FARS2: variants seen among roughly 807,000 people sequenced by gnomAD.
FARS2 encodes phenylalanyl-tRNA synthetase 2, mitochondrial.
A neutral mutation model predicts 46.4 loss-of-function variants in FARS2; 40 were observed. That is an observed-to-expected ratio of 0.86 (90% CI 0.67 to 1.12). The LOEUF (loss-of-function observed/expected upper bound fraction) is 1.12. Among genes scored for constraint, FARS2 ranks in the 50% most tolerant of loss-of-function variants. The probability of loss-of-function intolerance (pLI) is 0.00; values close to 1 mark genes in which losing one functional copy is unlikely to be tolerated. For missense variants in FARS2, 513 were observed against 567.9 expected (o/e 0.90, Z 0.98); for synonymous variants, 234 against 214.9 (o/e 1.09, Z -0.78).
At position 5,765,364 on chromosome 6, in the gene FARS2, T is replaced by A. The variant is rs1762696698; in HGVS notation, c.1218-5927T>A. On this transcript the variant is annotated intron_variant, in intron 6 of 6. Coordinates refer to ENST00000274680, the MANE Select transcript of FARS2 (RefSeq NM_006567.5). The surrounding 1 kb of genome is among the most constrained non-coding windows in gnomAD (Gnocchi z 4.0). ...CCAGTTTCAAGAGCCAGGCTGAATC[T>A]CTCAGAAGGGGAGCTGACGGGCGGC... Among the ~76,000 whole-genome samples the A allele has an allele frequency of 6.6e-6, 1 of 152,218 alleles. No individual in the cohort carries two copies. Among genetic ancestry groups the A allele is most frequent in the African/African-American group, 2.4e-5 (1 of 41,468 alleles).
chr6:5,616,075 A>T (rs1775466793), intron 6 of FARS2, among the ~76,000 whole-genome samples: 1 of 147,714 alleles, frequency 6.8e-6, no homozygotes, highest in African/African-American at 2.5e-5. Flanking sequence ...TTTTTGCTGG[A>T]GTTTTCTGAG....
intron 5 of FARS2, among the ~76,000 whole-genome samples, chr6:5,587,411 A>G (rs1359706616): frequency 2.0e-5 from 3 of 152,352 alleles, no homozygotes; most frequent in East Asian, 3.9e-4. Flanking sequence ...AGACATCTAT[A>G]CATGAAATAC....
At chr6:5,291,433 G>A (rs758164194) in intron 1 of FARS2, 2 of 152,224 alleles carry the variant, frequency 1.3e-5, no homozygotes, top group African/African-American at 4.8e-5. Context: ...AGAGGCTTTA[G>A]AGGCCGATGG....
intron 6 of FARS2, among the ~76,000 whole-genome samples, chr6:5,666,627 A>C (rs750382306): frequency 1.6e-4 from 25 of 152,216 alleles, no homozygotes; most frequent in Non-Finnish European, 1.8e-4. Context: ...ATCATATCCA[A>C]ATGTAAATTA....
chr6:5,357,738 C>G (rs181805595), intron 1 of FARS2, among the ~76,000 whole-genome samples: 20 of 152,324 alleles, frequency 1.3e-4, no homozygotes, highest in Non-Finnish European at 2.9e-5. Context: ...CAGGGGTGGA[C>G]TGGAACCAGG....
intron 6 of FARS2, among the ~76,000 whole-genome samples, chr6:5,763,149 C>T (rs1007158789): frequency 3.9e-4 from 59 of 152,328 alleles, no homozygotes; most frequent in African/African-American, 1.4e-3. Flanking sequence ...GCGTGCTTCC[C>T]TCCGGCTCCC....
At position 5,404,409 on chromosome 6, in the gene FARS2, G is replaced by C. The variant is rs184216417; in HGVS notation, c.613-133G>C. 1.8e-5 allele frequency: 9 copies of C among 507,142 alleles called. No individual in the cohort carries two copies. The Admixed American group carries it at 2.2e-4, about 12-fold the overall frequency. 31.4% of individuals were successfully genotyped at this position (507,142 alleles called of 1,614,324 possible). A position where few individuals can be genotyped will look rare whatever the true frequency, so the allele number is the denominator to read the frequency against. On this transcript the variant is annotated intron_variant, in intron 2 of 6. Transcript: ENST00000274680. ...GAATGTTAATTTCATTACGTTTATT[G>C]ACAGGACATAATGAGTCTTATTCCC... is the stretch of plus-strand genomic sequence containing the variant.
chr6:5,411,363 T>A (rs751726293), intron 3 of FARS2, among the ~76,000 whole-genome samples: 1 of 152,208 alleles, frequency 6.6e-6, no homozygotes, highest in Non-Finnish European at 1.5e-5. Flanking sequence ...TTCTTTCCTT[T>A]ACCTTCTCTT....
chr6:5,675,239 C>T (rs867909533), intron 6 of FARS2, among the ~76,000 whole-genome samples: 7 of 145,880 alleles, frequency 4.8e-5, no homozygotes, highest in Middle Eastern at 3.6e-3. Context: ...CACACACACA[C>T]GGTGCTATGT....
intron 4 of FARS2, among the ~76,000 whole-genome samples, chr6:5,433,568 C>T (rs1002973995): frequency 6.6e-6 from 1 of 152,096 alleles, no homozygotes; most frequent in Non-Finnish European, 1.5e-5. Flanking sequence ...GAGTAATAAA[C>T]AGGAAGAAAA....
At chr6:5,369,252 A>C in intron 2 of FARS2, 70 bp downstream of exon 2, 1 of 1,464,246 alleles carries the variant, frequency 6.8e-7, no homozygotes. Flanking sequence ...ACTAACATTT[A>C]GCTCGATGAG....
intron 1 of FARS2, among the ~76,000 whole-genome samples, chr6:5,263,456 G>A (rs1052413671): frequency 3.9e-5 from 6 of 151,930 alleles, no homozygotes; most frequent in South Asian, 2.1e-4. Flanking sequence ...GCCTGGAGAG[G>A]CTAAAAGAAA....
At chr6:5,589,287 G>T (rs7768379) in intron 5 of FARS2, among the ~76,000 whole-genome samples, 31,499 of 152,174 alleles carry the variant, frequency 0.21, 3,492 homozygotes, top group East Asian at 0.4. Flanking sequence ...CAGCTGTGAT[G>T]AGGGGTTGGT....
intron 4 of FARS2, among the ~76,000 whole-genome samples, chr6:5,435,939 C>T (rs184226138): frequency 9.3e-4 from 142 of 152,286 alleles, no homozygotes; most frequent in African/African-American, 3.3e-3. Context: ...GAACAGCTTC[C>T]GGTTTTGAAG....
chr6:5,746,288 C>A (rs146986665), intron 6 of FARS2, among the ~76,000 whole-genome samples: 1 of 152,074 alleles, frequency 6.6e-6, no homozygotes, highest in African/African-American at 2.4e-5. Flanking sequence ...TTAGATGGTG[C>A]GTGGAAGAGG....
chr6:5,683,915 C>A (rs1305560682), intron 6 of FARS2, among the ~76,000 whole-genome samples: 2 of 152,162 alleles, frequency 1.3e-5, no homozygotes, highest in Non-Finnish European at 2.9e-5. Flanking sequence ...ATGATGGTTT[C>A]CAGCTTCATC....
At chr6:5,464,509 A>C (rs1765409022) in intron 4 of FARS2, among the ~76,000 whole-genome samples, 1 of 152,182 alleles carries the variant, frequency 6.6e-6, no homozygotes, top group African/African-American at 2.4e-5. Context: ...CTGAACCTAT[A>C]AGATTGCTTT....
chr6:5,665,669 A>G (rs1316217789), intron 6 of FARS2, among the ~76,000 whole-genome samples: 1 of 152,220 alleles, frequency 6.6e-6, no homozygotes, highest in Non-Finnish European at 1.5e-5. Flanking sequence ...CGTTCTAAAC[A>G]ATGTCTGGAA....
At position 5,698,780 on chromosome 6, in the gene FARS2, G is replaced by A. The variant is rs865832094; in HGVS notation, c.1218-72511G>A. Among the ~76,000 whole-genome samples, 121 of 152,152 alleles carry A rather than the reference G, an allele frequency of 8.0e-4. 1 individual carries two copies. The highest frequency in any genetic ancestry group is 2.7e-3 in the African/African-American group (110 of 41,418). ...TGTGTTGCAGTAACAAATCACCTGA[G>A]AATCTCTGTGAACTCACCCAACAGA... On this transcript the variant is annotated intron_variant, in intron 6 of 6. Transcript: ENST00000274680.
Sources: allele counts gnomAD v4.1 joint callset (sites outside exome capture counted in the v4.1 genomes callset), GRCh38; gene constraint gnomAD v4.1.1; non-coding constraint Gnocchi (gnomAD v3.1); transcripts MANE v1.5; gene names NCBI Gene and HGNC (gene_info 2026-07-23, HGNC 2026-07-21).